The following TRIM2 variants were observed in gnomAD, a reference collection of about 807,000 sequenced individuals.
TRIM2 encodes tripartite motif containing 2, also known as tripartite motif-containing protein 2.
TRIM2 carries 20 observed loss-of-function variants against 75.2 expected under a neutral mutation model. The ratio of observed to expected loss-of-function variants is 0.27; its 90% CI spans 0.19 to 0.39. The LOEUF (loss-of-function observed/expected upper bound fraction) is 0.39. TRIM2 is among the 10% of genes least tolerant of loss of function. TRIM2 has a pLI of 1.00. For missense variants in TRIM2, 660 were observed against 990.8 expected, an observed-to-expected ratio of 0.67 and a Z score of 4.48; for synonymous variants, 373 against 388.3, an observed-to-expected ratio of 0.96 and a Z score of 0.46.
At chr4:153,327,442 A>G (rs1005672214) in intron 10 of TRIM2, among the ~76,000 whole-genome samples, 46 of 152,222 alleles carry the variant, frequency 3.0e-4, no homozygotes, top group Admixed American at 3.3e-4. Context: ...ACTCAAATAT[A>G]GTGAGCTCTT....
intron 1 of TRIM2, among the ~76,000 whole-genome samples, chr4:153,183,826 T>C (rs575419567): frequency 6.6e-6 from 1 of 152,260 alleles, no homozygotes; most frequent in South Asian, 2.1e-4. Context: ...TAGGATCCCT[T>C]GTAGGTGTAA....
At chr4:153,219,360 C>G (rs1395617412) in intron 1 of TRIM2, among the ~76,000 whole-genome samples, 1 of 152,096 alleles carries the variant, frequency 6.6e-6, no homozygotes, top group Non-Finnish European at 1.5e-5. Flanking sequence ...CTACTTAGTG[C>G]CTTTATGGGT....
At chr4:153,163,674 G>C (rs1404785524) in intron 1 of TRIM2, among the ~76,000 whole-genome samples, 1 of 150,334 alleles carries the variant, frequency 6.7e-6, no homozygotes, top group Non-Finnish European at 1.5e-5. Flanking sequence ...GCTAATTTTT[G>C]TGTGTTTAGT....
intron 1 of TRIM2, among the ~76,000 whole-genome samples, chr4:153,263,933 A>C (rs916436862): frequency 6.6e-6 from 1 of 152,150 alleles, no homozygotes; most frequent in Non-Finnish European, 1.5e-5. Flanking sequence ...CACCTCCCAA[A>C]GGCCTCACCT....
chr4:153,179,681 G>T (rs1032725957), intron 1 of TRIM2, among the ~76,000 whole-genome samples: 1 of 152,206 alleles, frequency 6.6e-6, no homozygotes, highest in African/African-American at 2.4e-5. Context: ...TCACGTGGCT[G>T]AATGTGAAAG....
intron 9 of TRIM2, among the ~76,000 whole-genome samples, chr4:153,323,186 AT>A (rs1029260280): frequency 9.9e-5 from 15 of 152,040 alleles, no homozygotes; most frequent in Non-Finnish European, 1.9e-4. Flanking sequence ...CTGAATGAGA[AT>A]TTTTTTTCAC....
In TRIM2 at chr4:153,315,989, G is replaced by A; in HGVS notation, c.1772G>A (p.Gly591Glu). The A allele has an allele frequency of 6.4e-7, 1 of 1,564,998 alleles. No individual in the cohort carries two copies. Among genetic ancestry groups the A allele is most frequent in the Non-Finnish European group, 8.6e-7 (1 of 1,157,114 alleles). Residue 591 changes from glycine (G) to glutamate (E), a missense_variant, in exon 8 of 12, where the codon GGG (glycine) becomes GAG (glutamate). Physicochemically the swap from Gly to Glu is moderately conservative, Grantham distance 98. Coordinates refer to ENST00000338700, the MANE Select transcript of TRIM2 (RefSeq NM_015271.5). ...TGGGTCAGCATTTTCTCCTCCGATG[G>A]GAAATTTAAGGTAAGATTAACTACT... Reference protein sequence around the residue: ...NKWVSIFSSDGKFKTKIGSGK... With the variant: ...NKWVSIFSSDEKFKTKIGSGK...
intron 3 of TRIM2, among the ~76,000 whole-genome samples, chr4:153,284,233 C>T (rs1269917823): frequency 6.7e-6 from 1 of 149,942 alleles, no homozygotes; most frequent in Non-Finnish European, 1.5e-5. Flanking sequence ...CAGAGTCTCA[C>T]TCTGTTGCCC....
At chr4:153,191,690 A>G (rs1733206452) in intron 1 of TRIM2, among the ~76,000 whole-genome samples, 1 of 152,234 alleles carries the variant, frequency 6.6e-6, no homozygotes, top group South Asian at 2.1e-4. Context: ...TCATGATGAT[A>G]TAGTTCTGAA....
rs1443040783 is a variant in TRIM2 at position 153,316,010 on chromosome 4, C to T, written c.1782+11C>T. 1 of 1,547,470 alleles carries T rather than the reference C, an allele frequency of 6.5e-7. No homozygotes were observed. ...GATGGGAAATTTAAGGTAAGATTAA[C>T]TACTAATTGTTCACTAAACAATGGA... On this transcript the variant is annotated intron_variant, in intron 8 of 11. Transcript: ENST00000338700.
chr4:153,255,845 GAC>G (rs1353704070), intron 1 of TRIM2, among the ~76,000 whole-genome samples: 1 of 152,196 alleles, frequency 6.6e-6, no homozygotes, highest in Non-Finnish European at 1.5e-5. Flanking sequence ...AAAAGAGCAA[GAC>G]ACACAAGACC....
At chr4:153,194,580 G>A (rs1733569944) in intron 1 of TRIM2, among the ~76,000 whole-genome samples, 1 of 152,150 alleles carries the variant, frequency 6.6e-6, no homozygotes, top group African/African-American at 2.4e-5. Context: ...GGATGGAGCT[G>A]GGGGATGCAG....
intron 6 of TRIM2, among the ~76,000 whole-genome samples, chr4:153,302,375 T>C (rs145198829): frequency 9.2e-5 from 14 of 152,356 alleles, no homozygotes; most frequent in Admixed American, 2.6e-4. Flanking sequence ...GATGGGAATA[T>C]AGAGATGAAG....
intron 8 of TRIM2, among the ~76,000 whole-genome samples, chr4:153,317,353 A>T (rs1767885304): frequency 6.6e-6 from 1 of 151,836 alleles, no homozygotes; most frequent in African/African-American, 2.4e-5. Flanking sequence ...TTTTGATTTA[A>T]AAAAGATCTA....
At chr4:153,243,832 A>C (rs1747367607) in intron 1 of TRIM2, among the ~76,000 whole-genome samples, 1 of 103,430 alleles carries the variant, frequency 9.7e-6, no homozygotes. Flanking sequence ...CCCCCCCTTG[A>C]GACAGGATCT....
At chr4:153,181,491 G>A (rs62323670) in intron 1 of TRIM2, among the ~76,000 whole-genome samples, 26,742 of 152,126 alleles carry the variant, frequency 0.18, 2,769 homozygotes, top group African/African-American at 0.27. Flanking sequence ...CTTGCCCCAG[G>A]GGACAGGCCA....
intron 1 of TRIM2, among the ~76,000 whole-genome samples, chr4:153,187,727 G>T (rs149645653): frequency 6.6e-6 from 1 of 152,290 alleles, no homozygotes; most frequent in Non-Finnish European, 1.5e-5. Flanking sequence ...GGAAGTCTGT[G>T]TGAGGTAGAC....
chr4:153,295,913 A>G lies in TRIM2; in HGVS notation c.1387A>G (p.Arg463Gly). Residue 463 changes from arginine (R) to glycine (G), a missense_variant, in exon 6 of 12, where the codon AGG becomes GGG. By Grantham distance (125) the Arg-to-Gly change is moderately radical (BLOSUM62 -2). Coordinates refer to ENST00000338700, the MANE Select transcript of TRIM2 (RefSeq NM_015271.5). The surrounding 1 kb of genome is among the most constrained non-coding windows in gnomAD (Gnocchi z 7.2). ...DVSPTTEGVK[R>G]RVKSPGSGHV... ...GTCTCCCACCACAGAAGGCGTGAAG[A>G]GGCGCGTTAAGTCCCCGGGGAGCGG... The G allele has an allele frequency of 1.2e-6, 2 of 1,610,280 alleles. No individual in the cohort carries two copies. The highest frequency in any genetic ancestry group is 1.7e-6 in the Non-Finnish European group (2 of 1,178,162).
At chr4:153,201,974 T>C (rs1170376020), upstream of TRIM2, among the ~76,000 whole-genome samples, 1 of 152,238 alleles carries the variant, frequency 6.6e-6, no homozygotes, top group Non-Finnish European at 1.5e-5. Flanking sequence ...TGTGAAAGTA[T>C]GGATGTAACA....
Sources: allele counts gnomAD v4.1 joint callset (sites outside exome capture counted in the v4.1 genomes callset), GRCh38; gene constraint gnomAD v4.1.1; non-coding constraint Gnocchi (gnomAD v3.1); transcripts MANE v1.5; gene names NCBI Gene and HGNC (gene_info 2026-07-23, HGNC 2026-07-21).